ZNF316: variants seen among roughly 807,000 people sequenced by gnomAD.
ZNF316 encodes zinc finger protein 316.
A neutral mutation model predicts 75.6 loss-of-function variants in ZNF316; 23 were observed. That is an observed-to-expected ratio of 0.30 (90% CI 0.22 to 0.43). The LOEUF (loss-of-function observed/expected upper bound fraction) is 0.43, where lower values mean the gene tolerates loss of function less well. Among genes scored for constraint, ZNF316 ranks in the 20% least tolerant of loss-of-function variants. ZNF316 has a pLI of 1.00. For synonymous variants in ZNF316, 827 were observed against 666.2 expected (o/e 1.24, Z -3.72); for missense variants, 1,266 against 1,409.4 (o/e 0.90, Z 1.63).
Position 6,642,910 on chromosome 7 carries a change from G to A in ZNF316, c.356-54G>A. 1 of 1,232,456 alleles carries A rather than the reference G, an allele frequency of 8.1e-7. No individual in the cohort carries two copies. The highest frequency in any genetic ancestry group is 1.0e-6 in the Non-Finnish European group (1 of 988,250). 76.3% of individuals were successfully genotyped at this position (1,232,456 alleles called of 1,614,324 possible). On this transcript the variant is annotated intron_variant, in intron 5 of 8. Transcript: ENST00000382252. This position sits in a 1 kb window ranked among gnomAD's most constrained non-coding sequence, Gnocchi z 8.1. The stretch of plus-strand genomic sequence containing the variant: ...AATGAGGGTGTTGCCAGGGCTCCTG[G>A]CCCTGCAGGCTGGGGGCTCAGGGCA...
At position 6,640,605 on chromosome 7, in the gene ZNF316, G is replaced by A. The variant is rs1036931979; in HGVS notation, c.-166-1220G>A. 1.3e-5 allele frequency among the ~76,000 whole-genome samples: 2 copies of A among 152,190 alleles called. No individual in the cohort carries two copies. The highest frequency in any genetic ancestry group is 2.4e-5 in the African/African-American group (1 of 41,460). ...CCAGCATTGGGGATTACGGTTCAGC[G>A]TGAGATCTGGGCGGGGACAAACATC... On this transcript the variant is annotated intron_variant, in intron 3 of 8. Coordinates refer to ENST00000382252, the MANE Select transcript of ZNF316 (RefSeq NM_001278559.2). The surrounding 1 kb of genome is among the most constrained non-coding windows in gnomAD (Gnocchi z 5.1).
rs1263429470 is a variant in ZNF316, at chr7:6,640,554, C to A, written c.-166-1271C>A. 1.3e-5 allele frequency among the ~76,000 whole-genome samples: 2 copies of A among 152,232 alleles called. No homozygotes were observed. Among genetic ancestry groups the A allele is most frequent in the African/African-American group, 2.4e-5 (1 of 41,476 alleles). On this transcript the variant is annotated intron_variant, in intron 3 of 8. Coordinates refer to ENST00000382252, the MANE Select transcript of ZNF316 (RefSeq NM_001278559.2). This position sits in a 1 kb window ranked among gnomAD's most constrained non-coding sequence, Gnocchi z 5.1. ...TCAGGAGGGACCCACCCCCATGATC[C>A]AGTCACCTCCCACCAGGCCCCGCCT...
In ZNF316 at chr7:6,654,545, C is replaced by T. The variant is rs1779582012; in HGVS notation, c.2949C>T (p.Ser983=). ...SALLEFAGGT[S]FGSEHQAAFA... ...TGCTGGAGTTCGCGGGCGGCACAAG[C>T]TTCGGCTCCGAGCACCAGGCCGCGT... The change falls in exon 9 of 9, where the codon AGC becomes AGT. Residue 983 remains serine, a synonymous_variant. Transcript: ENST00000382252. The T allele has an allele frequency of 2.5e-6, 3 of 1,184,214 alleles. No homozygotes were observed. The highest frequency in any genetic ancestry group is 4.5e-5 in the Admixed American group (1 of 22,056). The allele number at this position is 1,184,214 out of a possible 1,614,324, so 73.4% of individuals were successfully genotyped here. A position where few individuals can be genotyped will look rare whatever the true frequency, so the allele number is the denominator to read the frequency against.
Position 6,654,714 on chromosome 7 carries a change from C to T in ZNF316, c.*103C>T, listed in dbSNP as rs1406522957. ...GCCCCGGGAGGCTGAGGGTCCCAGT[C>T]CTGGGTGCGGTGCCTTCCCTCAGCC... On this transcript the variant is annotated 3_prime_UTR_variant, in exon 9 of 9. Coordinates refer to ENST00000382252, the MANE Select transcript of ZNF316 (RefSeq NM_001278559.2). The T allele has an allele frequency of 1.1e-5, 11 of 1,015,880 alleles. No individual in the cohort carries two copies. Among genetic ancestry groups the T allele is most frequent in the South Asian group, 4.9e-5 (1 of 20,258 alleles). The allele number at this position is 1,015,880 out of a possible 1,614,324, so 62.9% of individuals were successfully genotyped here.
chr7:6,648,765 G>A (rs566104952), intron 8 of ZNF316, among the ~76,000 whole-genome samples: 3 of 152,292 alleles, frequency 2.0e-5, no homozygotes, highest in East Asian at 1.9e-4. Flanking sequence ...GGCCCCTGCC[G>A]TCCTGGCGGA....
intron 8 of ZNF316, among the ~76,000 whole-genome samples, chr7:6,645,353 A>G (rs1026623259): frequency 1.3e-5 from 2 of 152,148 alleles, no homozygotes; most frequent in South Asian, 2.1e-4. Flanking sequence ...AGGAGGGGCA[A>G]TGGGTAGATT....
intron 2 of ZNF316, among the ~76,000 whole-genome samples, chr7:6,638,233 G>T (rs1375521403): frequency 1.3e-5 from 2 of 152,124 alleles, no homozygotes. Context: ...GGTGGTGAGG[G>T]GGCTACCCTG....
Position 6,656,675 on chromosome 7 carries a change from C to T in ZNF316, c.*2064C>T, listed in dbSNP as rs1371102025. Among the ~76,000 whole-genome samples the T allele has an allele frequency of 6.6e-6, 1 of 152,198 alleles. No individual in the cohort carries two copies. The highest frequency in any genetic ancestry group is 1.9e-4 in the East Asian group (1 of 5,186). ...CCCCACACTTGATGTAGTGTAAACA[C>T]CTGACTTGGGGCATTACTTTTTGTG... On this transcript the variant is annotated 3_prime_UTR_variant, in exon 9 of 9. Coordinates refer to ENST00000382252, the MANE Select transcript of ZNF316 (RefSeq NM_001278559.2).
chr7:6,648,808 G>T (rs533804243), intron 8 of ZNF316, among the ~76,000 whole-genome samples: 2 of 151,214 alleles, frequency 1.3e-5, no homozygotes, highest in East Asian at 4.0e-4. Flanking sequence ...GCCTGCAGGA[G>T]GGTTGCTGCG....
At position 6,653,381 on chromosome 7, in the gene ZNF316, G is replaced by A. The variant is rs1282044663; in HGVS notation, c.1785G>A (p.Pro595=). 1 of 1,226,412 alleles carries A rather than the reference G, an allele frequency of 8.2e-7. No individual in the cohort carries two copies. Among genetic ancestry groups the A allele is most frequent in the Non-Finnish European group, 1.0e-6 (1 of 985,026 alleles). 76.0% of individuals were successfully genotyped at this position (1,226,412 alleles called of 1,614,324 possible). A position where few individuals can be genotyped will look rare whatever the true frequency, so the allele number is the denominator to read the frequency against. ...AGGGCGAAGGCCCCTCCTCCCACCC[G>A]CTGGGCTTCCACTTCCCCGTGCACC... ...LGEGEGPSSH[P]LGFHFPVHPK... Residue 595 remains proline (P), a synonymous_variant, in exon 9 of 9, where the codon CCG becomes CCA. Coordinates refer to ENST00000382252, the MANE Select transcript of ZNF316 (RefSeq NM_001278559.2).
rs1361569236 is a variant in ZNF316 at position 6,655,670 on chromosome 7, C to T, written c.*1059C>T. The T allele has an allele frequency of 1.3e-5, 2 of 152,256 alleles. No individual in the cohort carries two copies. Among genetic ancestry groups the T allele is most frequent in the African/African-American group, 4.8e-5 (2 of 41,470 alleles). The allele number at this position is 152,256 out of a possible 1,614,324, so 9.4% of individuals were successfully genotyped here. ...CTAGGACACTCGCAGGTCCCTTTAA[C>T]TCTGCTTCTGTCATTACACTAGAAC... On this transcript the variant is annotated 3_prime_UTR_variant, in exon 9 of 9. Coordinates refer to ENST00000382252, the MANE Select transcript of ZNF316 (RefSeq NM_001278559.2).
In ZNF316 at chr7:6,641,811, C is replaced by T. The variant is rs1779316346; in HGVS notation, c.-166-14C>T. On this transcript the variant is annotated splice_polypyrimidine_tract_variant and intron_variant, in intron 3 of 8. Transcript: ENST00000382252. ...GATGCTGGCTCACAGCCCCCACTCT[C>T]CCATGTCCTGCAGGAAGAAGCCTGA... The T allele has an allele frequency of 6.6e-6, 1 of 152,410 alleles. No individual in the cohort carries two copies. The highest frequency in any genetic ancestry group is 2.4e-5 in the African/African-American group (1 of 41,470). 9.4% of individuals were successfully genotyped at this position (152,410 alleles called of 1,614,324 possible). A position where few individuals can be genotyped will look rare whatever the true frequency, so the allele number is the denominator to read the frequency against.
In ZNF316 at chr7:6,642,699, C is replaced by T. The variant is rs1779332267; in HGVS notation, c.290C>T (p.Ala97Val). The T allele has an allele frequency of 6.5e-6, 8 of 1,234,130 alleles. No individual in the cohort carries two copies. Among genetic ancestry groups the T allele is most frequent in the Non-Finnish European group, 8.1e-6 (8 of 989,436 alleles). The allele number at this position is 1,234,130 out of a possible 1,614,324, so 76.4% of individuals were successfully genotyped here. Residue 97 changes from alanine to valine, a missense_variant, in exon 5 of 9, where the codon GCG (alanine) becomes GTG (valine). Transcript: ENST00000382252. The surrounding 1 kb of genome is among the most constrained non-coding windows in gnomAD (Gnocchi z 8.1). Reference sequence around the variant, plus strand: ...GTGCTGGCAGAGGAGGAGTGTCCGGCGTTGGGGACCCAGGAGCGACTTAGC... The same window carrying T: ...GTGCTGGCAGAGGAGGAGTGTCCGGTGTTGGGGACCCAGGAGCGACTTAGC... ...KEVLAEEECP[A>V]LGTQERLSRG...
In ZNF316 at chr7:6,653,423, C is replaced by G; in HGVS notation, c.1827C>G (p.His609Gln). 1 of 1,228,244 alleles carries G rather than the reference C, an allele frequency of 8.1e-7. No homozygotes were observed. 76.1% of individuals were successfully genotyped at this position (1,228,244 alleles called of 1,614,324 possible). ...HFPVHPKSWL[H>Q]PDSFPILGLP... ...CCGTGCACCCCAAGTCCTGGCTGCA[C>G]CCGGACAGCTTCCCGATCCTGGGCC... The change falls in exon 9 of 9, where the codon CAC becomes CAG. Residue 609 changes from histidine (H) to glutamine (Q), a missense_variant. By Grantham distance (24) the His-to-Gln change is conservative (BLOSUM62 0). Coordinates refer to ENST00000382252, the MANE Select transcript of ZNF316 (RefSeq NM_001278559.2).
In ZNF316 at chr7:6,644,575, G is replaced by A. The variant is rs1488985184; in HGVS notation, c.688G>A (p.Val230Ile). 42 of 1,231,942 alleles carry A rather than the reference G, an allele frequency of 3.4e-5. No homozygotes were observed. Among genetic ancestry groups the A allele is most frequent in the Non-Finnish European group, 3.9e-5 (39 of 987,782 alleles). The allele number at this position is 1,231,942 out of a possible 1,614,324, so 76.3% of individuals were successfully genotyped here. The stretch of plus-strand genomic sequence containing the variant: ...TCCCCGACCTGAGGAAGGAGACATC[G>A]TCACTGGCGTCTACACAGGTGAGCG... Reference protein sequence around the residue: ...DSPRPEEGDIVTGVYTGAWFW... With the variant: ...DSPRPEEGDIITGVYTGAWFW... Residue 230 changes from valine to isoleucine, a missense_variant, in exon 8 of 9, where the codon GTC (valine) becomes ATC (isoleucine). This residue lies in a region of ZNF316 where 961 missense variants were observed against 990.9 expected (regional missense o/e 0.97). Transcript: ENST00000382252.
chr7:6,644,435 G>A, intron 7 of ZNF316, 45 bp from the exon 8 acceptor site: 1 of 1,099,810 alleles, frequency 9.1e-7, no homozygotes, highest in Non-Finnish European at 1.2e-6. Flanking sequence ...GGGCAGGGGA[G>A]GGCCCACGGG....
In ZNF316 at chr7:6,652,474, C is replaced by T. The variant is rs3735302; in HGVS notation, c.878C>T (p.Thr293Ile). The change falls in exon 9 of 9, where the codon ACT (threonine) becomes ATT (isoleucine). Residue 293 changes from threonine to isoleucine, a missense_variant. This residue lies in a region of ZNF316 where 961 missense variants were observed against 990.9 expected (regional missense o/e 0.97). Transcript: ENST00000382252. ...WGPDDSDSAQTPEGWGPDPGG... is the reference protein window; with the variant it reads ...WGPDDSDSAQIPEGWGPDPGG... Reference sequence around the variant, plus strand: ...CCCGACGACTCGGATTCGGCGCAGACTCCAGAGGGGTGGGGACCCGACCCA... The same window carrying T: ...CCCGACGACTCGGATTCGGCGCAGATTCCAGAGGGGTGGGGACCCGACCCA... 0.062 allele frequency: 75,966 copies of T among 1,231,580 alleles called. 4,208 individuals carry two copies. Among genetic ancestry groups the T allele is most frequent in the East Asian group, 0.25 (8,055 of 31,612 alleles). 76.3% of individuals were successfully genotyped at this position (1,231,580 alleles called of 1,614,324 possible).
rs1779615233 is a variant in ZNF316 at position 6,655,805 on chromosome 7, C to T, written c.*1194C>T. ...ACCTCGGGGGGGTGTGGACCTGAGC[C>T]GTGGCTCAGTGACAAACCAGGCACC... is the stretch of plus-strand genomic sequence containing the variant. On this transcript the variant is annotated 3_prime_UTR_variant, in exon 9 of 9. Coordinates refer to ENST00000382252, the MANE Select transcript of ZNF316 (RefSeq NM_001278559.2). 6.6e-6 allele frequency: 1 copy of T among 152,214 alleles called. No individual in the cohort carries two copies. The highest frequency in any genetic ancestry group is 2.1e-4 in the South Asian group (1 of 4,828). The allele number at this position is 152,214 out of a possible 1,614,324, so 9.4% of individuals were successfully genotyped here. A position where few individuals can be genotyped will look rare whatever the true frequency, so the allele number is the denominator to read the frequency against.
chr7:6,653,258 GGA>G lies in ZNF316; in HGVS notation c.1670_1671del (p.Glu557GlyfsTer334). On this transcript the variant is annotated frameshift_variant, in exon 9 of 9. Transcript: ENST00000382252. LOFTEE classifies it high-confidence loss of function. ...ACGGAGAGGCGGAGGCCGCGGCCGA[GGA>G]GAGAGAGGAGGCGGCGGTGGCGGCG... Reference protein sequence around the residue: ...ADGEAEAAAEEREEAAVAAPT... With the variant: ...ADGEAEAAAEXREEAAVAAPT... 1 of 1,227,496 alleles carries G rather than the reference GGA, an allele frequency of 8.1e-7. No homozygotes were observed. The highest frequency in any genetic ancestry group is 3.2e-5 in the East Asian group (1 of 31,432). The allele number at this position is 1,227,496 out of a possible 1,614,324, so 76.0% of individuals were successfully genotyped here.
Sources: gnomAD v4.1 joint callset for allele counts (sites outside exome capture counted in the v4.1 genomes callset) on GRCh38, gnomAD v4.1.1 for gene constraint, gnomAD v4.1.1 regional missense constraint, Gnocchi (gnomAD v3.1) non-coding constraint, MANE v1.5 for transcripts, NCBI Gene and HGNC (gene_info 2026-07-23, HGNC 2026-07-21) for gene names.